PAPOLG: variants seen among roughly 807,000 people sequenced by gnomAD.
PAPOLG encodes poly(A) polymerase gamma.
A neutral mutation model predicts 99.0 loss-of-function variants in PAPOLG; 40 were observed. The ratio of observed to expected loss-of-function variants is 0.40; its 90% CI spans 0.31 to 0.53. The LOEUF (loss-of-function observed/expected upper bound fraction) is 0.53, where lower values mean the gene tolerates loss of function less well. Among genes scored for constraint, PAPOLG ranks in the 20% least tolerant of loss-of-function variants. PAPOLG has a pLI of 0.41. For synonymous variants in PAPOLG, 310 were observed against 299.3 expected (o/e 1.04, Z -0.37); for missense variants, 675 against 884.1 (o/e 0.76, Z 3.00).
chr2:60,756,637 T>G, intron 1 of PAPOLG, 142 bp downstream of exon 1: 5 of 921,270 alleles, frequency 5.4e-6, no homozygotes, highest in East Asian at 2.9e-5. Flanking sequence ...TCCCGGCCGG[T>G]CCGCAAGGGC....
intron 4 of PAPOLG, 51 bp downstream of exon 4, chr2:60,768,602 T>TC: frequency 6.9e-7 from 1 of 1,455,030 alleles, no homozygotes; most frequent in Non-Finnish European, 9.5e-7. Flanking sequence ...AACAAACTCT[T>TC]CATAATTAGA....
chr2:60,797,209 G>C lies in PAPOLG; in HGVS notation c.*49G>C. On this transcript the variant is annotated 3_prime_UTR_variant, in exon 22 of 22. Transcript: ENST00000238714. Reference sequence around the variant, plus strand: ...GAACAAGCAATCATTTAGTGGCATAGATGCAGCCACTTGTTTTTTAAATAG... The same window carrying C: ...GAACAAGCAATCATTTAGTGGCATACATGCAGCCACTTGTTTTTTAAATAG... 2 of 1,595,570 alleles carry C rather than the reference G, an allele frequency of 1.3e-6. No homozygotes were observed. The highest frequency in any genetic ancestry group is 8.6e-7 in the Non-Finnish European group (1 of 1,164,404).
rs1671132874 is a variant in PAPOLG, at chr2:60,779,683, C to T, written c.741C>T (p.Ser247=). 1 of 1,613,642 alleles carries T rather than the reference C, an allele frequency of 6.2e-7. No individual in the cohort carries two copies. Among genetic ancestry groups the T allele is most frequent in the Non-Finnish European group, 8.5e-7 (1 of 1,179,600 alleles). Residue 247 remains serine, a synonymous_variant, in exon 9 of 22, where the codon TCC becomes TCT. Transcript: ENST00000238714. ...TGCTAGGATTCCTTGGTGGTGTCTCCTGGGCAATGCTAGTTGCAAGAACTT... is the reference window on the plus strand; with the variant it reads ...TGCTAGGATTCCTTGGTGGTGTCTCTTGGGCAATGCTAGTTGCAAGAACTT... ...SNMLGFLGGV[S]WAMLVARTCQ... is the part of the protein sequence containing the mutation.
At chr2:60,765,122 T>C (rs1670634840) in intron 3 of PAPOLG, among the ~76,000 whole-genome samples, 1 of 151,924 alleles carries the variant, frequency 6.6e-6, no homozygotes, top group Non-Finnish European at 1.5e-5. Flanking sequence ...TGGAGTGCAG[T>C]GGCATGCATA....
chr2:60,756,532 T>C (rs1017633782), intron 1 of PAPOLG, 37 bp downstream of exon 1: 1 of 1,568,108 alleles, frequency 6.4e-7, no homozygotes, highest in South Asian at 1.2e-5. Context: ...GTGAGGCGGG[T>C]AGGGGTGAGC....
Position 60,782,678 on chromosome 2 carries a change from T to TTTA in PAPOLG, c.1028-8_1028-7insTTA, listed in dbSNP as rs67779326. 1.4e-3 allele frequency: 1,873 copies of TTTA among 1,375,674 alleles called. 2 individuals carry two copies. The highest frequency in any genetic ancestry group is 2.7e-3 in the Middle Eastern group (11 of 4,062). 85.2% of individuals were successfully genotyped at this position (1,375,674 alleles called of 1,614,324 possible). On this transcript the variant is annotated splice_polypyrimidine_tract_variant and splice_region_variant and intron_variant, in intron 11 of 21. Transcript: ENST00000238714. ...CTTTTTTTTTTTTTTTTTTTTTTTT[T>TTTA]AATTTAGGTCTTGCAGTCACAGATG...
At position 60,775,023 on chromosome 2, in the gene PAPOLG, G is replaced by A; in HGVS notation, c.605-11G>A. 1.9e-6 allele frequency: 3 copies of A among 1,611,604 alleles called. No homozygotes were observed. The highest frequency in any genetic ancestry group is 2.5e-6 in the Non-Finnish European group (3 of 1,179,366). The stretch of plus-strand genomic sequence containing the variant: ...CTGCATAGTGAAAAATGAATGCTTT[G>A]TCTTTTTCAGGTTGTAGAGTTACTG... On this transcript the variant is annotated splice_polypyrimidine_tract_variant and intron_variant, in intron 7 of 21. Transcript: ENST00000238714.
chr2:60,782,618 T>G (rs1358757805), intron 11 of PAPOLG, 68 bp from the exon 12 acceptor site: 3 of 1,361,084 alleles, frequency 2.2e-6, no homozygotes, highest in Non-Finnish European at 2.9e-6. Context: ...GTAGAGTGAT[T>G]TAAGAGCTGG....
intron 15 of PAPOLG, among the ~76,000 whole-genome samples, chr2:60,790,133 T>G (rs1366038039): frequency 6.6e-6 from 1 of 152,114 alleles, no homozygotes; most frequent in African/African-American, 2.4e-5. Flanking sequence ...ATGTTTCACC[T>G]TAGAACCATT....
chr2:60,789,838 C>T, intron 15 of PAPOLG, among the ~76,000 whole-genome samples: 1 of 152,158 alleles, frequency 6.6e-6, no homozygotes, highest in East Asian at 1.9e-4. Flanking sequence ...GCCTGTAATC[C>T]CAGCACTTTG....
chr2:60,774,917 C>T, intron 7 of PAPOLG, 117 bp from the exon 8 acceptor site: 1 of 1,487,638 alleles, frequency 6.7e-7, no homozygotes, highest in Non-Finnish European at 9.0e-7. Context: ...TAAAATAAGC[C>T]CCAATGTTTT....
rs747684622 is a variant in PAPOLG, at chr2:60,761,742, C to G, written c.181C>G (p.Leu61Val). 6.2e-7 allele frequency: 1 copy of G among 1,600,768 alleles called. No homozygotes were observed. Among genetic ancestry groups the G allele is most frequent in the Non-Finnish European group, 8.5e-7 (1 of 1,169,930 alleles). Reference sequence around the variant, plus strand: ...AATCTGAAGCATTTTTTTTTATAGGCTGGTGGTTCTTGGTAAATTGAACAA... The same window carrying G: ...AATCTGAAGCATTTTTTTTTATAGGGTGGTGGTTCTTGGTAAATTGAACAA... ...FEDEEELNHR[L>V]VVLGKLNNLV... Residue 61 changes from leucine (L) to valine (V), a missense_variant and splice_region_variant, in exon 3 of 22, where the codon CTG becomes GTG. This residue lies in a region of PAPOLG where 149 missense variants were observed against 192.1 expected (regional missense o/e 0.78). Transcript: ENST00000238714.
At chr2:60,768,998 T>C in intron 5 of PAPOLG, 108 bp downstream of exon 5, 3 of 820,514 alleles carry the variant, frequency 3.7e-6, no homozygotes, top group Non-Finnish European at 5.5e-6. Context: ...TATTAGGAGG[T>C]ATTTAATAAG....
At chr2:60,763,992 G>A (rs1050681509) in intron 3 of PAPOLG, among the ~76,000 whole-genome samples, 1 of 151,888 alleles carries the variant, frequency 6.6e-6, no homozygotes, top group African/African-American at 2.4e-5. Flanking sequence ...TGGTAGAGAT[G>A]GGGTTTCACC....
In PAPOLG at chr2:60,768,829, C is replaced by G. The variant is rs1349742455; in HGVS notation, c.377C>G (p.Ser126Cys). 1 of 1,601,282 alleles carries G rather than the reference C, an allele frequency of 6.2e-7. No homozygotes were observed. The highest frequency in any genetic ancestry group is 8.5e-7 in the Non-Finnish European group (1 of 1,172,538). The stretch of plus-strand genomic sequence containing the variant: ...GTAGCTCCAAGACATGTGGAAAGAT[C>G]TGATTTTTTTCAGTCTTTTTTTGAA... ...LCVAPRHVER[S>C]DFFQSFFEKL... Residue 126 changes from serine to cysteine, a missense_variant, in exon 5 of 22, where the codon TCT becomes TGT. Coordinates refer to ENST00000238714, the MANE Select transcript of PAPOLG (RefSeq NM_022894.4).
At chr2:60,794,441 TTG>T in intron 19 of PAPOLG, 1 of 576,392 alleles carries the variant, frequency 1.7e-6, no homozygotes, top group Non-Finnish European at 3.0e-6. Context: ...ATCTCATTTC[TTG>T]TGTGTTGATA....
At chr2:60,790,112 T>C (rs1052261443) in intron 15 of PAPOLG, among the ~76,000 whole-genome samples, 9 of 152,006 alleles carry the variant, frequency 5.9e-5, no homozygotes, top group African/African-American at 1.2e-4. Context: ...GAAAAGAAAA[T>C]GCAGATTCTT....
chr2:60,798,620 A>T lies in PAPOLG; in HGVS notation c.*1460A>T, dbSNP rs1420113239. ...GCATTTAGTAGGTCCAGTAGGAAAA[A>T]CCCAAAATGGTACATTGAGTAGTGT... On this transcript the variant is annotated 3_prime_UTR_variant, in exon 22 of 22. Coordinates refer to ENST00000238714, the MANE Select transcript of PAPOLG (RefSeq NM_022894.4). 6.6e-6 allele frequency: 1 copy of T among 152,310 alleles called. No homozygotes were observed. Among genetic ancestry groups the T allele is most frequent in the African/African-American group, 2.4e-5 (1 of 41,440 alleles). 9.4% of individuals were successfully genotyped at this position (152,310 alleles called of 1,614,324 possible). A position where few individuals can be genotyped will look rare whatever the true frequency, so the allele number is the denominator to read the frequency against.
chr2:60,757,213 C>T (rs182837426), intron 1 of PAPOLG, among the ~76,000 whole-genome samples: 3 of 152,226 alleles, frequency 2.0e-5, no homozygotes, highest in African/African-American at 7.2e-5. Context: ...TAACTGTACA[C>T]ACATACACGT....
Sources: gnomAD v4.1 joint callset for allele counts (sites outside exome capture counted in the v4.1 genomes callset) on GRCh38, gnomAD v4.1.1 for gene constraint, gnomAD v4.1.1 regional missense constraint, MANE v1.5 for transcripts, NCBI Gene and HGNC (gene_info 2026-07-23, HGNC 2026-07-21) for gene names.